The following TRIM37 variants were observed in gnomAD, a reference collection of about 807,000 sequenced individuals.
TRIM37 encodes E3 ubiquitin-protein ligase TRIM37.
A neutral mutation model predicts 129.8 loss-of-function variants in TRIM37; 80 were observed. The observed-to-expected ratio is 0.62, with a 90% CI of 0.51 to 0.74. The LOEUF is 0.74. Among genes scored for constraint, TRIM37 ranks in the 30% least tolerant of loss-of-function variants. TRIM37 has a pLI of 0.00. For synonymous variants in TRIM37, 389 were observed against 387.1 expected (o/e 1.00, Z -0.06); for missense variants, 1,054 against 1,176.5 (o/e 0.90, Z 1.52).
At chr17:59,089,518 G>A (rs913608578) in intron 3 of TRIM37, among the ~76,000 whole-genome samples, 1 of 151,850 alleles carries the variant, frequency 6.6e-6, no homozygotes, top group Non-Finnish European at 1.5e-5. Context: ...GCACGTGCCT[G>A]TAATCCCAGC....
At chr17:59,046,951 A>C (rs1488838195) in intron 16 of TRIM37, among the ~76,000 whole-genome samples, 1 of 150,530 alleles carries the variant, frequency 6.6e-6, no homozygotes, top group Non-Finnish European at 1.5e-5. Context: ...TCAGGAGATC[A>C]AGACCAACCT....
chr17:59,041,677 A>G (rs1599092402), intron 17 of TRIM37, 136 bp downstream of exon 17: 3 of 655,044 alleles, frequency 4.6e-6, no homozygotes, highest in South Asian at 3.5e-5. Context: ...TAAAAAATCC[A>G]TATTATAAGA....
At chr17:59,012,644 A>C (rs9893979) in intron 21 of TRIM37, among the ~76,000 whole-genome samples, 198 bp from the exon 22 acceptor site, 112 of 152,206 alleles carry the variant, frequency 7.4e-4, no homozygotes, top group African/African-American at 2.6e-3. Context: ...TTGGGAGGCC[A>C]AGGTGGGTGG....
chr17:59,084,737 C>T (rs2043600804), intron 4 of TRIM37, among the ~76,000 whole-genome samples: 2 of 152,086 alleles, frequency 1.3e-5, no homozygotes, highest in South Asian at 4.2e-4. Flanking sequence ...ATCACAAGGG[C>T]AGGACCCAAA....
intron 2 of TRIM37, among the ~76,000 whole-genome samples, 191 bp from the exon 3 acceptor site, chr17:59,091,531 GTATAATAA>G (rs2044332550): frequency 1.1e-5 from 1 of 89,622 alleles, no homozygotes; most frequent in African/African-American, 4.5e-5. Flanking sequence ...AATGTATAAT[GTATAATAA>G]TGTATAATAT....
intron 2 of TRIM37, among the ~76,000 whole-genome samples, chr17:59,103,475 G>A (rs2045707894): frequency 6.6e-6 from 1 of 151,468 alleles, no homozygotes; most frequent in Non-Finnish European, 1.5e-5. Flanking sequence ...CTGAGTAGCT[G>A]GGATTACAGG....
downstream of TRIM37, chr17:58,982,533 C>T: frequency 4.7e-6 from 1 of 210,752 alleles, no homozygotes; most frequent in Non-Finnish European, 9.6e-6. Context: ...ACACGTTCCC[C>T]AGGCCCATAA....
chr17:59,060,889 A>G lies in TRIM37; in HGVS notation c.1019+143T>C, dbSNP rs948917492. The stretch of plus-strand genomic sequence containing the variant: ...AATATTTTGTTTTTAGAAAAATACC[A>G]TCCTATGATGCCAAGAACATATTAT... On this transcript the variant is annotated intron_variant, in intron 12 of 23. Transcript: ENST00000262294. 7 of 637,092 alleles carry G rather than the reference A, an allele frequency of 1.1e-5. No individual in the cohort carries two copies. The South Asian group carries it at 1.4e-4, about 13-fold the overall frequency. The allele number at this position is 637,092 out of a possible 1,614,324, so 39.5% of individuals were successfully genotyped here. A position where few individuals can be genotyped will look rare whatever the true frequency, so the allele number is the denominator to read the frequency against.
chr17:59,051,247 A>G lies in TRIM37; in HGVS notation c.1281T>C (p.Thr427=). The stretch of plus-strand genomic sequence containing the variant: ...GGTTGTTTATTTGTTGGATATAACT[A>G]GTCTGTGCAGCTTCCAACTGAGTAA... ...WYITQLEAAQ[T]SYIQQINNLK... is the part of the protein sequence containing the mutation. Residue 427 remains threonine, a synonymous_variant, in exon 14 of 24, where the codon ACT becomes ACC. Transcript: ENST00000262294. The G allele has an allele frequency of 6.2e-7, 1 of 1,613,614 alleles. No individual in the cohort carries two copies. Among genetic ancestry groups the G allele is most frequent in the African/African-American group, 1.3e-5 (1 of 75,034 alleles).
At position 59,061,855 on chromosome 17, in the gene TRIM37, T is replaced by C. The variant is rs186150169; in HGVS notation, c.942+712A>G. ...TGACTACAGAGAGGTACAAGTACTA[T>C]TAACCCCTTCATTTTTAGTCTACTT... On this transcript the variant is annotated intron_variant, in intron 11 of 23. Transcript: ENST00000262294. Among the ~76,000 whole-genome samples, 769 of 152,126 alleles carry C rather than the reference T, an allele frequency of 5.1e-3. 1 individual carries two copies. The highest frequency in any genetic ancestry group is 8.6e-3 in the Non-Finnish European group (583 of 67,968).
intron 7 of TRIM37, among the ~76,000 whole-genome samples, chr17:59,078,078 T>C (rs753640167): frequency 1.8e-4 from 27 of 152,006 alleles, no homozygotes; most frequent in South Asian, 1.2e-3. Context: ...TGAGCCGAGA[T>C]AGTGCCACTG....
chr17:58,995,942 G>A, downstream of TRIM37, among the ~76,000 whole-genome samples: 1 of 151,988 alleles, frequency 6.6e-6, no homozygotes, highest in Non-Finnish European at 1.5e-5. Context: ...AGGGGGTTGA[G>A]GCTGTATGAG....
chr17:58,983,524 T>A (rs2031513935), intron 24 of TRIM37: 1 of 152,650 alleles, frequency 6.6e-6, no homozygotes, highest in Non-Finnish European at 1.5e-5. Context: ...CTTGCTGACG[T>A]AAGCAATAAG....
chr17:59,036,279 G>T (rs546925302), intron 17 of TRIM37, among the ~76,000 whole-genome samples: 1 of 152,040 alleles, frequency 6.6e-6, no homozygotes, highest in Non-Finnish European at 1.5e-5. Context: ...ATCTGCAGAC[G>T]TCTTCTTATG....
At chr17:59,018,759 AAAATCCATTTG>A (rs1179117047) in intron 19 of TRIM37, among the ~76,000 whole-genome samples, 1 of 151,874 alleles carries the variant, frequency 6.6e-6, no homozygotes. Flanking sequence ...AGCTAATCCT[AAAATCCATTTG>A]AAAATGTAAG....
chr17:59,057,001 T>A lies in TRIM37; in HGVS notation c.1073A>T (p.Asn358Ile), dbSNP rs1375168744. The change falls in exon 13 of 24, where the codon AAT (asparagine) becomes ATT (isoleucine). Residue 358 changes from asparagine (N) to isoleucine (I), a missense_variant. Asn to Ile is a moderately radical substitution (Grantham distance 149). Coordinates refer to ENST00000262294, the MANE Select transcript of TRIM37 (RefSeq NM_015294.6). ...VHQSCNDPTKNIIREFASDFE... is the reference protein window; with the variant it reads ...VHQSCNDPTKIIIREFASDFE... ...GTCAGATGCAAATTCTCGAATGATA[T>A]TTTTTGTAGGATCATTACAGGACTG... 1 of 1,613,688 alleles carries A rather than the reference T, an allele frequency of 6.2e-7. No individual in the cohort carries two copies. Among genetic ancestry groups the A allele is most frequent in the East Asian group, 2.2e-5 (1 of 44,828 alleles).
chr17:59,031,818 G>C lies in TRIM37; in HGVS notation c.1948+78C>G. The C allele has an allele frequency of 3.5e-6, 5 of 1,444,152 alleles. No individual in the cohort carries two copies. In the South Asian group the frequency reaches 5.9e-5, roughly 17 times the overall value. The allele number at this position is 1,444,152 out of a possible 1,614,324, so 89.5% of individuals were successfully genotyped here. A position where few individuals can be genotyped will look rare whatever the true frequency, so the allele number is the denominator to read the frequency against. On this transcript the variant is annotated intron_variant, in intron 18 of 23. Transcript: ENST00000262294. ...AATACACCATGTTCCACACATAGCT[G>C]AAATACTTAAATGAAAATCCAAGAG...
Position 59,106,859 on chromosome 17 carries a change from G to T in TRIM37, c.-398C>A, listed in dbSNP as rs996017968. 2 of 336,784 alleles carry T rather than the reference G, an allele frequency of 5.9e-6. No homozygotes were observed. Among genetic ancestry groups the T allele is most frequent in the South Asian group, 3.4e-5 (1 of 29,340 alleles). The allele number at this position is 336,784 out of a possible 1,614,324, so 20.9% of individuals were successfully genotyped here. A position where few individuals can be genotyped will look rare whatever the true frequency, so the allele number is the denominator to read the frequency against. On this transcript the variant is annotated 5_prime_UTR_variant, in exon 1 of 24. Transcript: ENST00000262294. The stretch of plus-strand genomic sequence containing the variant: ...CCAACCGTAACCAGAGCAGCTGGGG[G>T]CGCGGCGGCGAGAGAAGCTGCGAAG...
At chr17:58,972,976 C>G in the TRIM37 span, 1 of 1,314,842 alleles carries the variant, frequency 7.6e-7, no homozygotes, top group Non-Finnish European at 1.1e-6. Flanking sequence ...CTAGCTCATT[C>G]TCCTGTATCA....
Sources: allele counts gnomAD v4.1 joint callset (sites outside exome capture counted in the v4.1 genomes callset), GRCh38; gene constraint gnomAD v4.1.1; transcripts MANE v1.5; gene names NCBI Gene and HGNC (gene_info 2026-07-23, HGNC 2026-07-21).